Variants in ZFPM1 observed in about 807,000 individuals in gnomAD.
ZFPM1 encodes the protein zinc finger protein, FOG family member 1.
In ZFPM1, 28 loss-of-function variants were observed where a neutral mutation model predicts 46.3. The observed-to-expected ratio is 0.60, with a 90% CI of 0.45 to 0.83. The LOEUF is 0.83. Among genes scored for constraint, ZFPM1 ranks in the 40% least tolerant of loss-of-function variants. ZFPM1 has a pLI of 0.00. For missense variants in ZFPM1, 1,878 were observed against 1,432.4 expected (o/e 1.31, Z -5.02); for synonymous variants, 957 against 675.9 (o/e 1.42, Z -6.45).
intron 2 of ZFPM1, 107 bp from the exon 3 acceptor site, chr16:88,488,924 G>A: frequency 6.7e-7 from 1 of 1,487,442 alleles, no homozygotes; most frequent in Non-Finnish European, 8.9e-7. Context: ...CTGGGCCCGA[G>A]CTCCCCAACC....
intron 6 of ZFPM1, among the ~76,000 whole-genome samples, chr16:88,529,936 G>A (rs1912652521): frequency 6.6e-6 from 1 of 152,146 alleles, no homozygotes; most frequent in Admixed American, 6.5e-5. Context: ...GAGCGGCCAG[G>A]TCCACACCTA....
chr16:88,517,420 T>C (rs1437766527), intron 4 of ZFPM1, among the ~76,000 whole-genome samples: 1 of 129,598 alleles, frequency 7.7e-6, no homozygotes, highest in Non-Finnish European at 1.6e-5. Flanking sequence ...GGGTGGATGG[T>C]TGTGTGAGTA....
intron 3 of ZFPM1, among the ~76,000 whole-genome samples, chr16:88,504,086 G>A (rs1910522961): frequency 6.6e-6 from 1 of 151,820 alleles, no homozygotes; most frequent in Non-Finnish European, 1.5e-5. Context: ...AGTACCCTGG[G>A]CCCTCACTCA....
chr16:88,533,210 C>A lies in ZFPM1; in HGVS notation c.1252C>A (p.Leu418Met). 6.4e-7 allele frequency: 1 copy of A among 1,556,882 alleles called. No homozygotes were observed. Residue 418 changes from leucine to methionine, a missense_variant, in exon 10 of 10, where the codon CTG (leucine) becomes ATG (methionine). Transcript: ENST00000319555. Reference sequence around the variant, plus strand: ...GCAAGGCCCCCTGGCCTCCGCGGACCTGGGCCTGGCGCCCACCCCATCGCC... The same window carrying A: ...GCAAGGCCCCCTGGCCTCCGCGGACATGGGCCTGGCGCCCACCCCATCGCC... ...ALQGPLASAD[L>M]GLAPTPSPGL...
chr16:88,492,717 T>C (rs1304812144), intron 3 of ZFPM1, among the ~76,000 whole-genome samples: 1 of 152,134 alleles, frequency 6.6e-6, no homozygotes, highest in Non-Finnish European at 1.5e-5. Context: ...CCGGCCTTGG[T>C]GCCTCTCCCA....
intron 1 of ZFPM1, among the ~76,000 whole-genome samples, chr16:88,466,537 A>G (rs995936742): frequency 1.3e-5 from 2 of 152,212 alleles, no homozygotes; most frequent in African/African-American, 4.8e-5. Flanking sequence ...GAGAAAGGCC[A>G]AGCACAGAAA....
intron 1 of ZFPM1, among the ~76,000 whole-genome samples, chr16:88,475,602 G>C (rs1215102282): frequency 6.6e-6 from 1 of 152,154 alleles, no homozygotes; most frequent in African/African-American, 2.4e-5. Context: ...TCTCCTGACT[G>C]TGAGGACCCC....
At chr16:88,501,150 CTGGTG>C (rs1910254073) in intron 3 of ZFPM1, among the ~76,000 whole-genome samples, 2 of 128,564 alleles carry the variant, frequency 1.6e-5, no homozygotes, top group African/African-American at 3.0e-5. Flanking sequence ...CCCGCAGGTG[CTGGTG>C]ATGATGGAGA....
intron 1 of ZFPM1, among the ~76,000 whole-genome samples, chr16:88,463,770 C>T (rs946408176): frequency 2.0e-5 from 3 of 152,216 alleles, no homozygotes; most frequent in African/African-American, 7.2e-5. Context: ...AGGGGACGCC[C>T]GTCTTCAGGC....
intron 3 of ZFPM1, among the ~76,000 whole-genome samples, chr16:88,501,886 G>A (rs539022083): frequency 1.6e-4 from 24 of 152,186 alleles, no homozygotes; most frequent in African/African-American, 5.1e-4. Context: ...CCCAGCCCGC[G>A]AGGGGGCTCC....
intron 1 of ZFPM1, among the ~76,000 whole-genome samples, chr16:88,462,360 G>A (rs533958259): frequency 6.6e-5 from 10 of 152,334 alleles, no homozygotes; most frequent in East Asian, 3.9e-4. Flanking sequence ...AGTGCCTTAC[G>A]GGCATCCCCG....
At position 88,510,245 on chromosome 16, in the gene ZFPM1, G is replaced by A. The variant is rs190322161; in HGVS notation, c.269-4142G>A. ...AGGCAGGACTTGGCCCCAGGCCTGT[G>A]GATTCCAAACCCCAGCTCTCCCTCC... On this transcript the variant is annotated intron_variant, in intron 3 of 9. Transcript: ENST00000319555. Among the ~76,000 whole-genome samples, 977 of 152,268 alleles carry A rather than the reference G, an allele frequency of 6.4e-3. 7 individuals carry two copies. The highest frequency in any genetic ancestry group is 0.022 in the African/African-American group (930 of 41,542).
At chr16:88,464,748 C>G (rs1597229277) in intron 1 of ZFPM1, among the ~76,000 whole-genome samples, 1 of 152,246 alleles carries the variant, frequency 6.6e-6, no homozygotes, top group African/African-American at 2.4e-5. Flanking sequence ...CTGGCGGGCA[C>G]AGGTTTCAGC....
chr16:88,509,279 T>G (rs1253495807), intron 3 of ZFPM1, among the ~76,000 whole-genome samples: 1 of 152,150 alleles, frequency 6.6e-6, no homozygotes, highest in East Asian at 1.9e-4. Flanking sequence ...ACAGGGCCGC[T>G]CCCAACAAAG....
intron 3 of ZFPM1, among the ~76,000 whole-genome samples, chr16:88,502,864 G>A (rs1465217847): frequency 1.3e-5 from 2 of 151,370 alleles, no homozygotes; most frequent in African/African-American, 4.9e-5. Context: ...AGGCCACGTG[G>A]ATGCCCGTTT....
At position 88,489,171 on chromosome 16, in the gene ZFPM1, G is replaced by A. The variant is rs1354595104; in HGVS notation, c.268+18G>A. On this transcript the variant is annotated intron_variant, in intron 3 of 9. Coordinates refer to ENST00000319555, the MANE Select transcript of ZFPM1 (RefSeq NM_153813.3). ...CGGGCCAGGTAACCACGCGGGTGGT[G>A]GGGGCAGCAGCATCGCCTCCCGGGC... 2 of 1,581,406 alleles carry A rather than the reference G, an allele frequency of 1.3e-6. No individual in the cohort carries two copies. Among genetic ancestry groups the A allele is most frequent in the Admixed American group, 1.8e-5 (1 of 55,904 alleles).
chr16:88,461,034 AGGACCGAGGGGCGGGAGG>A, intron 1 of ZFPM1, among the ~76,000 whole-genome samples: 1 of 110,812 alleles, frequency 9.0e-6, no homozygotes, highest in African/African-American at 3.9e-5. Flanking sequence ...AGGCCTGGTG[AGGACCGAGGGGCGGGAGG>A]CCCTGGTGAG....
chr16:88,533,501 C>G lies in ZFPM1; in HGVS notation c.1543C>G (p.Pro515Ala). The change falls in exon 10 of 10, where the codon CCC becomes GCC. Residue 515 changes from proline to alanine, a missense_variant. Pro to Ala is a conservative substitution (Grantham distance 27, BLOSUM62 -1). Coordinates refer to ENST00000319555, the MANE Select transcript of ZFPM1 (RefSeq NM_153813.3). ...CCCCACGCCGGGCTCCAGCCCGGTG[C>G]CCGGCGAGCTGGGCCTGGCCGGGGC... ...SSPTPGSSPV[P>A]GELGLAGALF... The G allele has an allele frequency of 1.4e-6, 2 of 1,403,340 alleles. No homozygotes were observed. Among genetic ancestry groups the G allele is most frequent in the Non-Finnish European group, 1.8e-6 (2 of 1,084,180 alleles). 86.9% of individuals were successfully genotyped at this position (1,403,340 alleles called of 1,614,324 possible). A position where few individuals can be genotyped will look rare whatever the true frequency, so the allele number is the denominator to read the frequency against.
chr16:88,517,007 G>A (rs1290928172), intron 4 of ZFPM1, among the ~76,000 whole-genome samples: 2 of 152,198 alleles, frequency 1.3e-5, no homozygotes, highest in African/African-American at 2.4e-5. Context: ...CTCTGGCACC[G>A]ACTTGCCGTG....
Sources: gnomAD v4.1 joint callset for allele counts (sites outside exome capture counted in the v4.1 genomes callset) on GRCh38, gnomAD v4.1.1 for gene constraint, MANE v1.5 for transcripts, NCBI Gene and HGNC (gene_info 2026-07-23, HGNC 2026-07-21) for gene names.